LACRT: variants seen among roughly 807,000 people sequenced by gnomAD.
LACRT encodes extracellular glycoprotein lacritin.
A neutral mutation model predicts 14.5 loss-of-function variants in LACRT; 14 were observed. The observed-to-expected ratio is 0.96, with a 90% CI of 0.64 to 1.51. The LOEUF is 1.51. Ranked by LOEUF, LACRT falls within the 40% of genes most tolerant of loss-of-function variation. The probability of loss-of-function intolerance (pLI) is 0.00; values close to 1 mark genes in which losing one functional copy is unlikely to be tolerated. For synonymous variants in LACRT, 70 were observed against 63.5 expected, an observed-to-expected ratio of 1.10 and a Z score of -0.48; for missense variants, 156 against 161.8, an observed-to-expected ratio of 0.96 and a Z score of 0.19.
intron 1 of LACRT, 56 bp downstream of exon 1, chr12:54,634,728 G>A: frequency 6.7e-7 from 1 of 1,494,448 alleles, no homozygotes; most frequent in African/African-American, 1.4e-5. Context: ...GCAGGAGTGA[G>A]GGGCTCCTTG....
At chr12:54,631,871 G>T in intron 3 of LACRT, 32 bp from the exon 4 acceptor site, 1 of 1,496,380 alleles carries the variant, frequency 6.7e-7, no homozygotes. Flanking sequence ...CACATCAGCA[G>T]AAAAATCACC....
intron 2 of LACRT, 53 bp downstream of exon 2, chr12:54,633,127 A>C (rs879467375): frequency 1.3e-4 from 199 of 1,557,074 alleles, no homozygotes; most frequent in Non-Finnish European, 1.7e-4. Context: ...TCACATCCCT[A>C]ACTGTTAAAC....
At chr12:54,634,528 G>T (rs1958175529) in intron 1 of LACRT, among the ~76,000 whole-genome samples, 1 of 152,116 alleles carries the variant, frequency 6.6e-6, no homozygotes, top group South Asian at 2.1e-4. Context: ...AGAGAAGCCA[G>T]TGTAGCTGAG....
In LACRT at chr12:54,632,337, G is replaced by T. The variant is rs753213133; in HGVS notation, c.157C>A (p.Pro53Thr). ...TGGGCTGTTGTGGTTGTCTCTGGGG[G>T]TGAAGCTGGTTCTGCTGGACCTGAG... ...EISGPAEPAS[P>T]PETTTTAQET... is the part of the protein sequence containing the mutation. Residue 53 changes from proline (P) to threonine (T), a missense_variant, in exon 3 of 5, where the codon CCC becomes ACC. By Grantham distance (38) the Pro-to-Thr change is conservative. Transcript: ENST00000257867. 6.2e-6 allele frequency: 10 copies of T among 1,614,002 alleles called. No individual in the cohort carries two copies. Among genetic ancestry groups the T allele is most frequent in the Non-Finnish European group, 8.5e-6 (10 of 1,180,004 alleles).
intron 4 of LACRT, 165 bp downstream of exon 4, chr12:54,631,573 A>G: frequency 1.6e-6 from 1 of 627,532 alleles, no homozygotes; most frequent in South Asian, 1.9e-5. Flanking sequence ...AATTGGAAAC[A>G]TATGAAAGCA....
intron 4 of LACRT, among the ~76,000 whole-genome samples, chr12:54,631,438 G>A (rs1416222838): frequency 6.6e-6 from 1 of 152,086 alleles, no homozygotes; most frequent in Non-Finnish European, 1.5e-5. Context: ...ATGGGGTATC[G>A]CCATGTTGCC....
chr12:54,634,745 G>A, intron 1 of LACRT, 39 bp downstream of exon 1: 1 of 1,583,434 alleles, frequency 6.3e-7, no homozygotes, highest in Non-Finnish European at 8.7e-7. Flanking sequence ...CTTGGACTGG[G>A]AGGACTCTTG....
Position 54,631,742 on chromosome 12 carries a change from G to A in LACRT, c.351C>T (p.Ile117=), listed in dbSNP as rs752416837. ...CTTGCCTTGGGATGCACTCACTTTC[G>A]ATGAATTGTTTTCCACCTGGCACGC... ...HGGVPGGKQF[I]ENGSEFAQKL... Residue 117 remains isoleucine (I), a synonymous_variant, in exon 4 of 5, where the codon ATC becomes ATT. Coordinates refer to ENST00000257867, the MANE Select transcript of LACRT (RefSeq NM_033277.2). The A allele has an allele frequency of 1.9e-6, 3 of 1,611,286 alleles. No homozygotes were observed. Among genetic ancestry groups the A allele is most frequent in the Admixed American group, 1.7e-5 (1 of 59,998 alleles).
chr12:54,632,490 G>C, intron 2 of LACRT, 109 bp from the exon 3 acceptor site: 1 of 1,282,316 alleles, frequency 7.8e-7, no homozygotes, highest in Admixed American at 1.9e-5. Context: ...CCAGGATACA[G>C]AAGTGATATG....
chr12:54,631,002 G>A (rs781410795), intron 4 of LACRT, 49 bp from the exon 5 acceptor site: 2 of 1,137,756 alleles, frequency 1.8e-6, no homozygotes, highest in Middle Eastern at 1.9e-4. Context: ...CCAGGCACCA[G>A]CTCCACCCCT....
At chr12:54,634,669 A>G (rs1958176306) in intron 1 of LACRT, 115 bp downstream of exon 1, 1 of 1,002,326 alleles carries the variant, frequency 1.0e-6, no homozygotes, top group Non-Finnish European at 1.6e-6. Context: ...AGTCACTTGC[A>G]GAGGCAGGGA....
chr12:54,631,721 C>T lies in LACRT; in HGVS notation c.355+17G>A. ...GTATTCTCATTCCCACAAAGCCTTGCCTTGGGATGCACTCACTTTCGATGA... is the reference window on the plus strand; with the variant it reads ...GTATTCTCATTCCCACAAAGCCTTGTCTTGGGATGCACTCACTTTCGATGA... On this transcript the variant is annotated intron_variant, in intron 4 of 4. Coordinates refer to ENST00000257867, the MANE Select transcript of LACRT (RefSeq NM_033277.2). 1.3e-6 allele frequency: 2 copies of T among 1,584,128 alleles called. No homozygotes were observed. The highest frequency in any genetic ancestry group is 1.7e-6 in the Non-Finnish European group (2 of 1,152,650).
At chr12:54,634,167 A>G (rs1384389673) in intron 1 of LACRT, among the ~76,000 whole-genome samples, 1 of 152,160 alleles carries the variant, frequency 6.6e-6, no homozygotes, top group African/African-American at 2.4e-5. Context: ...AACCTGGCCA[A>G]CATGGTGAAA....
intron 1 of LACRT, 51 bp from the exon 2 acceptor site, chr12:54,633,284 C>G: frequency 6.7e-7 from 1 of 1,497,978 alleles, no homozygotes; most frequent in Non-Finnish European, 9.2e-7. Context: ...ACCGGACCTA[C>G]TCGAGCCACC....
chr12:54,632,273 A>G lies in LACRT; in HGVS notation c.221T>C (p.Val74Ala). 3.1e-6 allele frequency: 5 copies of G among 1,613,852 alleles called. No individual in the cohort carries two copies. Among genetic ancestry groups the G allele is most frequent in the Non-Finnish European group, 4.2e-6 (5 of 1,179,924 alleles). ...GTTTAGTTCCTGCCTGCTTGAGGTG[A>G]CCTTGGCTGTCCCCTGAACTGCTGC... ...SAAAVQGTAKVTSSRQELNPL... is the reference protein window; with the variant it reads ...SAAAVQGTAKATSSRQELNPL... Residue 74 changes from valine to alanine, a missense_variant, in exon 3 of 5, where the codon GTC becomes GCC. Transcript: ENST00000257867.
intron 1 of LACRT, among the ~76,000 whole-genome samples, chr12:54,634,571 T>C (rs1406786044): frequency 6.6e-6 from 1 of 151,994 alleles, no homozygotes; most frequent in Non-Finnish European, 1.5e-5. Flanking sequence ...TGTGAGGAGA[T>C]GAGCTGGGAG....
chr12:54,632,515 C>T, intron 2 of LACRT, 134 bp from the exon 3 acceptor site: 1 of 1,016,074 alleles, frequency 9.8e-7, no homozygotes, highest in South Asian at 1.5e-5. Flanking sequence ...AAACGCTGCC[C>T]CCTTAAGGGA....
At chr12:54,634,016 A>C (rs1280068224) in intron 1 of LACRT, among the ~76,000 whole-genome samples, 2 of 152,098 alleles carry the variant, frequency 1.3e-5, no homozygotes, top group Non-Finnish European at 2.9e-5. Flanking sequence ...TGTTCAAGGA[A>C]CAGCAGGATC....
At chr12:54,631,500 C>T (rs1294686848) in intron 4 of LACRT, among the ~76,000 whole-genome samples, 2 of 152,224 alleles carry the variant, frequency 1.3e-5, no homozygotes, top group Non-Finnish European at 2.9e-5. Flanking sequence ...CTTGGCCTCC[C>T]AAAGTGCTGG....
Sources: allele counts gnomAD v4.1 joint callset (sites outside exome capture counted in the v4.1 genomes callset), GRCh38; gene constraint gnomAD v4.1.1; transcripts MANE v1.5; gene names NCBI Gene and HGNC (gene_info 2026-07-23, HGNC 2026-07-21).